Variants in RAPGEF4 observed in about 807,000 individuals in gnomAD.
RAPGEF4 encodes Rap guanine nucleotide exchange factor 4.
RAPGEF4 carries 66 observed loss-of-function variants against 147.9 expected under a neutral mutation model. The observed-to-expected ratio is 0.45, with a 90% CI of 0.37 to 0.55. RAPGEF4 has a LOEUF of 0.55. Among genes scored for constraint, RAPGEF4 ranks in the 20% least tolerant of loss-of-function variants. The pLI is 0.00. For missense variants in RAPGEF4, 1,071 were observed against 1,257.3 expected (o/e 0.85, Z 2.24); for synonymous variants, 419 against 442.7 (o/e 0.95, Z 0.67).
At chr2:172,795,258 T>C (rs1223396389) in intron 2 of RAPGEF4, 91 bp downstream of exon 2, 2 of 1,319,160 alleles carry the variant, frequency 1.5e-6, no homozygotes, top group African/African-American at 2.9e-5. Context: ...ATGGAGTATT[T>C]ATGTGCTAAA....
At chr2:173,026,399 C>T (rs111592724) in intron 23 of RAPGEF4, among the ~76,000 whole-genome samples, 173 bp from the exon 24 acceptor site, 11 of 152,232 alleles carry the variant, frequency 7.2e-5, no homozygotes, top group African/African-American at 1.9e-4. Context: ...GACTTACAGA[C>T]GACACTAAAG....
Position 172,752,158 on chromosome 2 carries a change from C to T in RAPGEF4, c.65+16110C>T, listed in dbSNP as rs141503588. ...ATTACAGCATGGTGGTGTCCTCATT[C>T]CCATCCTACCCATGGAATTTTGGTT... On this transcript the variant is annotated intron_variant, in intron 1 of 30. Coordinates refer to ENST00000397081, the MANE Select transcript of RAPGEF4 (RefSeq NM_007023.4). Among the ~76,000 whole-genome samples, 54 of 27,606 alleles carry T rather than the reference C, an allele frequency of 2.0e-3. No individual in the cohort carries two copies. The East Asian group carries it at 0.038, about 19-fold the overall frequency. The allele number at this position is 27,606 out of a possible 152,430, so 18.1% of individuals were successfully genotyped here.
In RAPGEF4 at chr2:172,837,238, A is replaced by G. The variant is rs1204560298; in HGVS notation, c.444+22813A>G. On this transcript the variant is annotated intron_variant, in intron 4 of 30. Transcript: ENST00000397081. ...CTTGCTATGGGCTTGTCATTATGCT[A>G]AGTAGCCATCTTATATACATTGTCT... 5.6e-4 allele frequency among the ~76,000 whole-genome samples: 85 copies of G among 152,306 alleles called. 1 individual carries two copies. Among genetic ancestry groups the G allele is most frequent in the Non-Finnish European group, 8.8e-5 (6 of 68,030 alleles).
Position 173,001,251 on chromosome 2 carries a change from T to TG in RAPGEF4, c.1580-15_1580-14insG. 1.2e-6 allele frequency: 2 copies of TG among 1,613,484 alleles called. No homozygotes were observed. Among genetic ancestry groups the TG allele is most frequent in the Middle Eastern group, 3.3e-4 (2 of 6,062 alleles). The stretch of plus-strand genomic sequence containing the variant: ...CAAGAACCTAATTTCCTTTTCTGTT[T>TG]TTTTCCCCTTCCAGATTCTGTTTTA... On this transcript the variant is annotated splice_polypyrimidine_tract_variant and intron_variant, in intron 16 of 30. Coordinates refer to ENST00000397081, the MANE Select transcript of RAPGEF4 (RefSeq NM_007023.4).
intron 1 of RAPGEF4, among the ~76,000 whole-genome samples, chr2:172,768,964 A>T (rs1428821385): frequency 6.6e-6 from 1 of 152,214 alleles, no homozygotes; most frequent in Admixed American, 6.5e-5. Context: ...GACGACGAGC[A>T]TGCCACCCAC....
chr2:172,981,201 G>T (rs1434912788), intron 10 of RAPGEF4, among the ~76,000 whole-genome samples: 1 of 152,186 alleles, frequency 6.6e-6, no homozygotes, highest in Non-Finnish European at 1.5e-5. Context: ...CAAGCTTCTA[G>T]GAGGGTTCCC....
chr2:172,740,494 A>G (rs11897409), intron 1 of RAPGEF4, among the ~76,000 whole-genome samples: 2,083 of 152,340 alleles, frequency 0.014, 46 homozygotes, highest in African/African-American at 0.047. Flanking sequence ...CTTGCCCCCA[A>G]ATAGATGTTA....
intron 6 of RAPGEF4, among the ~76,000 whole-genome samples, chr2:172,957,105 G>T (rs1328550062): frequency 6.6e-6 from 1 of 152,162 alleles, no homozygotes; most frequent in Non-Finnish European, 1.5e-5. Flanking sequence ...AAGTCCCTAG[G>T]TGTCTCTGGT....
At chr2:172,750,921 T>G (rs907072051) in intron 1 of RAPGEF4, among the ~76,000 whole-genome samples, 4 of 152,258 alleles carry the variant, frequency 2.6e-5, no homozygotes, top group African/African-American at 9.6e-5. Context: ...GCAAATATTT[T>G]CTCCCATTTT....
chr2:172,960,444 G>C (rs574864821), intron 6 of RAPGEF4, among the ~76,000 whole-genome samples: 2 of 152,036 alleles, frequency 1.3e-5, no homozygotes, highest in South Asian at 4.2e-4. Context: ...TTTTTCCTCT[G>C]CTCTGATGTT....
intron 4 of RAPGEF4, among the ~76,000 whole-genome samples, chr2:172,862,961 G>C (rs1413779864): frequency 6.6e-6 from 1 of 152,176 alleles, no homozygotes; most frequent in East Asian, 1.9e-4. Context: ...TGGCAGGAAA[G>C]CTGGCTAGAA....
chr2:172,904,822 C>T (rs1040409078), intron 4 of RAPGEF4, among the ~76,000 whole-genome samples: 4 of 151,972 alleles, frequency 2.6e-5, no homozygotes, highest in African/African-American at 9.7e-5. Flanking sequence ...CTAATACCTT[C>T]CTTGTTTTCC....
intron 1 of RAPGEF4, among the ~76,000 whole-genome samples, chr2:172,756,908 T>C (rs956840449): frequency 5.9e-5 from 9 of 152,172 alleles, no homozygotes; most frequent in African/African-American, 1.9e-4. Context: ...GGAAGTAATA[T>C]TTTCCAGACG....
At chr2:172,869,626 A>G (rs986719599) in intron 4 of RAPGEF4, among the ~76,000 whole-genome samples, 4 of 152,244 alleles carry the variant, frequency 2.6e-5, no homozygotes, top group Admixed American at 6.5e-5. Flanking sequence ...CTGCATTTTG[A>G]TGATTTTTAT....
intron 3 of RAPGEF4, among the ~76,000 whole-genome samples, chr2:172,811,658 G>A (rs574638506): frequency 6.6e-6 from 1 of 152,328 alleles, no homozygotes; most frequent in Non-Finnish European, 1.5e-5. Context: ...CAGGCATTAA[G>A]CCCATCTACA....
intron 10 of RAPGEF4, among the ~76,000 whole-genome samples, chr2:172,978,541 C>T (rs1691337189): frequency 6.6e-6 from 1 of 152,176 alleles, no homozygotes; most frequent in Non-Finnish European, 1.5e-5. Context: ...GTAAATCTGC[C>T]CCTGTCCACT....
At chr2:173,041,224 C>A (rs960025629) in intron 29 of RAPGEF4, among the ~76,000 whole-genome samples, 4 of 152,074 alleles carry the variant, frequency 2.6e-5, no homozygotes, top group Non-Finnish European at 2.9e-5. Context: ...TTATAAGATT[C>A]ATGGAGAGAG....
chr2:172,738,031 G>T lies in RAPGEF4; in HGVS notation c.65+1983G>T, dbSNP rs1693969585. On this transcript the variant is annotated intron_variant, in intron 1 of 30. Coordinates refer to ENST00000397081, the MANE Select transcript of RAPGEF4 (RefSeq NM_007023.4). The stretch of plus-strand genomic sequence containing the variant: ...TTCCAATGAGGAACAGTTTAGGGCA[G>T]CAATCTCATTGTATGAAGGCCATGG... Among the ~76,000 whole-genome samples the T allele has an allele frequency of 1.3e-5, 2 of 152,240 alleles. 1 individual carries two copies. Among genetic ancestry groups the T allele is most frequent in the African/African-American group, 4.8e-5 (2 of 41,456 alleles).
chr2:172,739,940 G>A (rs1016036992), intron 1 of RAPGEF4, among the ~76,000 whole-genome samples: 2 of 152,212 alleles, frequency 1.3e-5, no homozygotes, highest in Non-Finnish European at 2.9e-5. Context: ...TTCCTGAATG[G>A]TTGGAAATAA....
Sources: gnomAD v4.1 joint callset for allele counts (sites outside exome capture counted in the v4.1 genomes callset) on GRCh38, gnomAD v4.1.1 for gene constraint, MANE v1.5 for transcripts, NCBI Gene and HGNC (gene_info 2026-07-23, HGNC 2026-07-21) for gene names.